The following SLC7A2 variants were observed in gnomAD, a reference collection of about 807,000 sequenced individuals.
The protein encoded by SLC7A2 is cationic amino acid transporter 2.
In SLC7A2, 48 loss-of-function variants were observed where a neutral mutation model predicts 58.9. The observed-to-expected ratio is 0.82, with a 90% CI of 0.65 to 1.04. The LOEUF (loss-of-function observed/expected upper bound fraction) is 1.04. Ranked by LOEUF, SLC7A2 falls within the 50% of genes least tolerant of loss-of-function variation. The probability of loss-of-function intolerance (pLI) is 0.00; values close to 1 mark genes in which losing one functional copy is unlikely to be tolerated. For synonymous variants in SLC7A2, 363 were observed against 314.5 expected, an observed-to-expected ratio of 1.15 and a Z score of -1.63; for missense variants, 1,029 against 818.8, an observed-to-expected ratio of 1.26 and a Z score of -3.13.
Position 17,554,577 on chromosome 8 carries a change from TC to T in SLC7A2, c.1076del (p.Pro359GlnfsTer5). On this transcript the variant is annotated frameshift_variant, in exon 8 of 13. Transcript: ENST00000494857. LOFTEE classifies it high-confidence loss of function. ...ALSTSLLGSI[F>X]PMPRVIYAMA... is the part of the protein sequence containing the mutation. ...TTATTCAGTCTTCTTGGATCCATTT[TC>T]CCAATGCCTCGTGTAATCTATGCTA... The T allele has an allele frequency of 6.2e-7, 1 of 1,605,074 alleles. No individual in the cohort carries two copies. Among genetic ancestry groups the T allele is most frequent in the South Asian group, 1.1e-5 (1 of 88,602 alleles).
intron 2 of SLC7A2, among the ~76,000 whole-genome samples, chr8:17,514,223 G>C (rs143160791): frequency 2.6e-5 from 4 of 152,028 alleles, no homozygotes; most frequent in Non-Finnish European, 4.4e-5. Context: ...AAAATAGAAA[G>C]GGGTGGTGGC....
At chr8:17,559,746 A>C (rs1053984480) in intron 9 of SLC7A2, among the ~76,000 whole-genome samples, 1 of 152,210 alleles carries the variant, frequency 6.6e-6, no homozygotes, top group Non-Finnish European at 1.5e-5. Context: ...GGGTGGGGAC[A>C]CAGCCAAACC....
chr8:17,545,901 T>C (rs183023363), intron 4 of SLC7A2, among the ~76,000 whole-genome samples: 1 of 152,318 alleles, frequency 6.6e-6, no homozygotes, highest in Admixed American at 6.5e-5. Flanking sequence ...TTTTGAAATG[T>C]TTACTCAAAA....
upstream of SLC7A2, among the ~76,000 whole-genome samples, chr8:17,495,938 C>T (rs1017082405): frequency 6.6e-6 from 1 of 152,182 alleles, no homozygotes; most frequent in African/African-American, 2.4e-5. Flanking sequence ...AATGAAGCCC[C>T]ACACCGTTTA....
At chr8:17,531,290 G>A (rs753036076) in intron 2 of SLC7A2, among the ~76,000 whole-genome samples, 9 of 152,066 alleles carry the variant, frequency 5.9e-5, no homozygotes, top group African/African-American at 1.2e-4. Flanking sequence ...TACAATGGCC[G>A]TATATTGTAT....
rs919072643 is a variant in SLC7A2 at position 17,566,605 on chromosome 8, G to C, written c.*1459G>C. ...TTAAAAAACATGATTATTTAAAACT[G>C]GAAACTAAAAAGAATCAAATTGAAT... On this transcript the variant is annotated 3_prime_UTR_variant, in exon 13 of 13. Transcript: ENST00000494857. 1 of 151,986 alleles carries C rather than the reference G, an allele frequency of 6.6e-6. No individual in the cohort carries two copies. The highest frequency in any genetic ancestry group is 6.6e-5 in the Admixed American group (1 of 15,264). The allele number at this position is 151,986 out of a possible 1,614,324, so 9.4% of individuals were successfully genotyped here.
At chr8:17,518,947 T>G (rs978238775) in intron 2 of SLC7A2, among the ~76,000 whole-genome samples, 1 of 152,158 alleles carries the variant, frequency 6.6e-6, no homozygotes, top group African/African-American at 2.4e-5. Flanking sequence ...ACGGCAGCCT[T>G]CTCCCTGTGT....
intron 8 of SLC7A2, among the ~76,000 whole-genome samples, chr8:17,555,852 C>T (rs1185483632): frequency 6.6e-6 from 1 of 152,052 alleles, no homozygotes; most frequent in Non-Finnish European, 1.5e-5. Flanking sequence ...CAGACAATGG[C>T]CTTAAAGGTA....
intron 7 of SLC7A2, among the ~76,000 whole-genome samples, chr8:17,553,790 T>C (rs922439176): frequency 6.6e-6 from 1 of 152,044 alleles, no homozygotes; most frequent in Non-Finnish European, 1.5e-5. Context: ...ATAAAATAAA[T>C]CAATAAGAAG....
At chr8:17,497,699 C>G (rs1239275718) in intron 1 of SLC7A2, among the ~76,000 whole-genome samples, 2 of 152,238 alleles carry the variant, frequency 1.3e-5, no homozygotes, top group Non-Finnish European at 2.9e-5. Context: ...CGCCTTCGCT[C>G]CTTTTCGGTT....
At chr8:17,554,777 G>C (rs1802613534) in intron 8 of SLC7A2, 78 bp downstream of exon 8, 1 of 1,475,918 alleles carries the variant, frequency 6.8e-7, no homozygotes, top group Non-Finnish European at 9.1e-7. Flanking sequence ...ACAAAGCTAG[G>C]TGGTTTTCTT....
rs115793998 is a variant in SLC7A2, at chr8:17,519,894, T to G, written c.-23+17592T>G. Among the ~76,000 whole-genome samples the G allele has an allele frequency of 9.0e-3, 1,365 of 152,290 alleles. 20 individuals are homozygous for G. The highest frequency in any genetic ancestry group is 0.032 in the African/African-American group (1,319 of 41,542). ...AGTGATCCAAGGAGAGCACCCTGCTTCTTCTTCTGTGAACCCTGGGAATGG... is the reference window on the plus strand; with the variant it reads ...AGTGATCCAAGGAGAGCACCCTGCTGCTTCTTCTGTGAACCCTGGGAATGG... On this transcript the variant is annotated intron_variant, in intron 2 of 12. Transcript: ENST00000494857.
At chr8:17,538,220 A>G (rs1242680935) in intron 2 of SLC7A2, among the ~76,000 whole-genome samples, 1 of 152,218 alleles carries the variant, frequency 6.6e-6, no homozygotes, top group East Asian at 1.9e-4. Flanking sequence ...TGGTTTTATT[A>G]CAGTGCTTGT....
At chr8:17,510,288 G>A (rs1377089891) in intron 2 of SLC7A2, among the ~76,000 whole-genome samples, 2 of 151,910 alleles carry the variant, frequency 1.3e-5, no homozygotes, top group Non-Finnish European at 2.9e-5. Context: ...GTGTACGAAA[G>A]TATCTGCAGA....
intron 2 of SLC7A2, among the ~76,000 whole-genome samples, chr8:17,502,991 T>G (rs1039134540): frequency 6.6e-6 from 1 of 152,122 alleles, no homozygotes; most frequent in South Asian, 2.1e-4. Flanking sequence ...TAAATAAAAT[T>G]TTCACAAATT....
chr8:17,509,548 CACCCGCCTT>C (rs1800512150), intron 2 of SLC7A2, among the ~76,000 whole-genome samples: 1 of 152,080 alleles, frequency 6.6e-6, no homozygotes, highest in African/African-American at 2.4e-5. Flanking sequence ...TCAAGTAATC[CACCCGCCTT>C]GGCCTCCCAA....
At chr8:17,500,793 CACACAT>C (rs1305357563) in intron 1 of SLC7A2, among the ~76,000 whole-genome samples, 2 of 93,606 alleles carry the variant, frequency 2.1e-5, no homozygotes, top group African/African-American at 1.0e-4. Flanking sequence ...TGTCTCAACA[CACACAT>C]ACACACACAC....
intron 2 of SLC7A2, among the ~76,000 whole-genome samples, chr8:17,542,091 G>T (rs1248579155): frequency 6.6e-6 from 1 of 152,158 alleles, no homozygotes; most frequent in Non-Finnish European, 1.5e-5. Flanking sequence ...CATACTTAAA[G>T]CATAGTTGAA....
upstream of SLC7A2, among the ~76,000 whole-genome samples, chr8:17,496,493 G>C (rs181852079): frequency 6.6e-6 from 1 of 152,242 alleles, no homozygotes; most frequent in African/African-American, 2.4e-5. Context: ...AACCCTGATT[G>C]TGTAACTTCT....
Sources: allele counts gnomAD v4.1 joint callset (sites outside exome capture counted in the v4.1 genomes callset), GRCh38; gene constraint gnomAD v4.1.1; transcripts MANE v1.5; gene names NCBI Gene and HGNC (gene_info 2026-07-23, HGNC 2026-07-21).